Variants in MCC observed in about 807,000 individuals in gnomAD.
MCC encodes MCC regulator of Wnt signaling pathway.
In MCC, 90 loss-of-function variants were observed where a neutral mutation model predicts 116.2. The ratio of observed to expected loss-of-function variants is 0.77; its 90% CI spans 0.65 to 0.92. The LOEUF (loss-of-function observed/expected upper bound fraction) is 0.92, where lower values mean the gene tolerates loss of function less well. MCC is among the 40% of genes least tolerant of loss of function. The pLI, the probability that MCC is intolerant of heterozygous loss-of-function variation, is 0.00. For synonymous variants in MCC, 578 were observed against 510.5 expected (o/e 1.13, Z -1.78); for missense variants, 1,516 against 1,312.2 (o/e 1.16, Z -2.40).
rs1225211366 is a variant in MCC, at chr5:113,101,725, T to C, written c.1398+14A>G. ...CCAGGAAGGGCCTGACCATTATGGA[T>C]GCAGCATGCTCACCCTCCTCCGGAG... On this transcript the variant is annotated intron_variant, in intron 8 of 18. Coordinates refer to ENST00000408903, the MANE Select transcript of MCC (RefSeq NM_001085377.2). 1.9e-6 allele frequency: 3 copies of C among 1,612,516 alleles called. No individual in the cohort carries two copies. Among genetic ancestry groups the C allele is most frequent in the Non-Finnish European group, 2.5e-6 (3 of 1,179,982 alleles).
At position 113,410,469 on chromosome 5, in the gene MCC, C is replaced by T. The variant is rs548504697; in HGVS notation, c.171-25257G>A. Among the ~76,000 whole-genome samples, 7 of 152,238 alleles carry T rather than the reference C, an allele frequency of 4.6e-5. No homozygotes were observed. The South Asian group carries it at 8.3e-4, about 18-fold the overall frequency. ...CGGTAGGTTAAATTCTTAGAGTTCACGAGTCAAAAAAATTATTCTTGGCTG... is the reference window on the plus strand; with the variant it reads ...CGGTAGGTTAAATTCTTAGAGTTCATGAGTCAAAAAAATTATTCTTGGCTG... On this transcript the variant is annotated intron_variant, in intron 1 of 18. Coordinates refer to ENST00000408903, the MANE Select transcript of MCC (RefSeq NM_001085377.2).
intron 2 of MCC, among the ~76,000 whole-genome samples, chr5:113,355,607 T>G (rs964042758): frequency 2.6e-5 from 4 of 152,086 alleles, no homozygotes; most frequent in Non-Finnish European, 5.9e-5. Context: ...GCCAGCATGG[T>G]AGGGTTCTGG....
Position 113,068,174 on chromosome 5 carries a change from G to A in MCC, c.1935C>T (p.Cys645=). 3 of 1,613,704 alleles carry A rather than the reference G, an allele frequency of 1.9e-6. No homozygotes were observed. Among genetic ancestry groups the A allele is most frequent in the Non-Finnish European group, 2.5e-6 (3 of 1,179,620 alleles). The stretch of plus-strand genomic sequence containing the variant: ...CCAGGAGGAGTTCGTAGGCTTCGAT[G>A]CACTGCTCGCTGAAACAAAGCACAT... ...LRLALQYSEQ[C]IEAYELLLAL... The change falls in exon 13 of 19, where the codon TGC becomes TGT. Residue 645 remains cysteine, a synonymous_variant. Transcript: ENST00000408903.
chr5:113,227,114 G>A (rs578015245), intron 3 of MCC, among the ~76,000 whole-genome samples: 1 of 152,276 alleles, frequency 6.6e-6, no homozygotes, highest in East Asian at 1.9e-4. Flanking sequence ...ATTTCTAAAA[G>A]GGACTAATTA....
chr5:113,049,863 A>G (rs1033107806), intron 15 of MCC, among the ~76,000 whole-genome samples: 4 of 152,158 alleles, frequency 2.6e-5, no homozygotes, highest in Middle Eastern at 3.4e-3. Context: ...CCTACTTCTC[A>G]GGGCCCAAAT....
chr5:113,211,568 T>C (rs1365188203), intron 3 of MCC, among the ~76,000 whole-genome samples: 1 of 152,214 alleles, frequency 6.6e-6, no homozygotes, highest in Non-Finnish European at 1.5e-5. Flanking sequence ...GGAATCCTGC[T>C]CCATGTTAAC....
chr5:113,183,176 T>G (rs985176851), intron 3 of MCC, among the ~76,000 whole-genome samples: 1 of 152,080 alleles, frequency 6.6e-6, no homozygotes, highest in Non-Finnish European at 1.5e-5. Flanking sequence ...TGCTCCTCAG[T>G]GTAATTGATT....
chr5:113,457,180 C>T (rs1049671452), intron 1 of MCC, among the ~76,000 whole-genome samples: 1 of 152,212 alleles, frequency 6.6e-6, no homozygotes, highest in Admixed American at 6.5e-5. Context: ...CTGCCTGCAG[C>T]GCTTGCGGGC....
chr5:113,456,742 A>G (rs1475404313), intron 1 of MCC, among the ~76,000 whole-genome samples: 1 of 142,596 alleles, frequency 7.0e-6, no homozygotes, highest in African/African-American at 2.6e-5. Context: ...AAATGCTGGT[A>G]TTACAGGCGT....
Position 113,277,347 on chromosome 5 carries a change from G to A in MCC, c.627+63172C>T, listed in dbSNP as rs545270973. 6.3e-4 allele frequency among the ~76,000 whole-genome samples: 92 copies of A among 146,008 alleles called. 1 individual carries two copies. The Middle Eastern group carries it at 0.014, about 22-fold the overall frequency. On this transcript the variant is annotated intron_variant, in intron 3 of 18. Transcript: ENST00000408903. Reference sequence around the variant, plus strand: ...TGTGCCACTGCACTCCAGCCTGGGTGACAGAGTGAGACTCCATCTCAAAAA... The same window carrying A: ...TGTGCCACTGCACTCCAGCCTGGGTAACAGAGTGAGACTCCATCTCAAAAA...
chr5:113,360,532 G>A (rs891664150), intron 2 of MCC, among the ~76,000 whole-genome samples: 1 of 152,100 alleles, frequency 6.6e-6, no homozygotes. Context: ...TTAGGTAGAC[G>A]TCACCAGTGA....
chr5:113,248,573 A>C (rs1764660332), intron 3 of MCC, among the ~76,000 whole-genome samples: 1 of 152,230 alleles, frequency 6.6e-6, no homozygotes. Context: ...TATGAAGAGT[A>C]TATGAAATTG....
chr5:113,228,865 G>C (rs1763842033), intron 3 of MCC, among the ~76,000 whole-genome samples: 1 of 152,148 alleles, frequency 6.6e-6, no homozygotes, highest in Admixed American at 6.5e-5. Context: ...AGATTACTGT[G>C]GGGTATGAAG....
chr5:113,370,755 T>C (rs1768818785), intron 2 of MCC, among the ~76,000 whole-genome samples: 1 of 152,222 alleles, frequency 6.6e-6, no homozygotes, highest in Non-Finnish European at 1.5e-5. Flanking sequence ...GCATTGAACA[T>C]ATATGCATAC....
At chr5:113,227,200 C>T (rs1409095220) in intron 3 of MCC, among the ~76,000 whole-genome samples, 2 of 152,164 alleles carry the variant, frequency 1.3e-5, no homozygotes, top group African/African-American at 2.4e-5. Flanking sequence ...TTTCTCTAGA[C>T]ACATTTGAGA....
intron 8 of MCC, among the ~76,000 whole-genome samples, chr5:113,085,958 G>A (rs1755174791): frequency 6.6e-6 from 1 of 152,166 alleles, no homozygotes; most frequent in African/African-American, 2.4e-5. Context: ...CCAAAGTGCT[G>A]GGATTACCGG....
intron 2 of MCC, among the ~76,000 whole-genome samples, chr5:113,368,481 C>T (rs1581431846): frequency 6.6e-6 from 1 of 152,302 alleles, no homozygotes; most frequent in Non-Finnish European, 1.5e-5. Context: ...TGCATCAGCA[C>T]TCTAACTTTC....
chr5:113,292,850 C>CA (rs1766561252), intron 3 of MCC, among the ~76,000 whole-genome samples: 1 of 152,158 alleles, frequency 6.6e-6, no homozygotes, highest in African/African-American at 2.4e-5. Flanking sequence ...AGAAGATCAC[C>CA]AAAGGCTTCT....
At chr5:113,197,544 C>G (rs1037015649) in intron 3 of MCC, among the ~76,000 whole-genome samples, 1 of 152,138 alleles carries the variant, frequency 6.6e-6, no homozygotes, top group Non-Finnish European at 1.5e-5. Flanking sequence ...AATAAGCTCC[C>G]TAGCACACAG....
Sources: allele counts gnomAD v4.1 joint callset (sites outside exome capture counted in the v4.1 genomes callset), GRCh38; gene constraint gnomAD v4.1.1; transcripts MANE v1.5; gene names NCBI Gene and HGNC (gene_info 2026-07-23, HGNC 2026-07-21).